RIC1: variants seen among roughly 807,000 people sequenced by gnomAD.
RIC1 encodes the protein guanine nucleotide exchange factor subunit RIC1.
In RIC1, 88 loss-of-function variants were observed where a neutral mutation model predicts 169.0. The observed-to-expected ratio is 0.52, with a 90% confidence interval of 0.44 to 0.62. The LOEUF is 0.62. Ranked by LOEUF, RIC1 falls within the 20% of genes least tolerant of loss-of-function variation. The probability of loss-of-function intolerance (pLI) is 0.00; values close to 1 mark genes in which losing one functional copy is unlikely to be tolerated. For synonymous variants in RIC1, 790 were observed against 601.5 expected (o/e 1.31, Z -4.59); for missense variants, 1,877 against 1,725.5 (o/e 1.09, Z -1.56).
At chr9:5,657,896 A>G (rs1819196194) in intron 2 of RIC1, among the ~76,000 whole-genome samples, 1 of 152,154 alleles carries the variant, frequency 6.6e-6, no homozygotes. Flanking sequence ...CTTAAATTTC[A>G]GTGTCCATAA....
rs985448832 is a variant in RIC1 at position 5,720,206 on chromosome 9, C to T, written c.465C>T (p.Leu155=). Residue 155 remains leucine, a synonymous_variant, in exon 5 of 26, where the codon CTC becomes CTT. Coordinates refer to ENST00000414202, the MANE Select transcript of RIC1 (RefSeq NM_020829.4). ...IMSLQSVLED[L]LVATSDGLLH... ...GTTTGCAGTCTGTGTTGGAAGATCT[C>T]CTGGTTGCTACTTCTGATGGACTTC... 6.2e-7 allele frequency: 1 copy of T among 1,612,630 alleles called. No individual in the cohort carries two copies. The highest frequency in any genetic ancestry group is 8.5e-7 in the Non-Finnish European group (1 of 1,178,732).
At chr9:5,646,399 G>T (rs545986024) in intron 1 of RIC1, among the ~76,000 whole-genome samples, 1 of 152,270 alleles carries the variant, frequency 6.6e-6, no homozygotes, top group South Asian at 2.1e-4. Context: ...ATTATATGAT[G>T]GTGGCCCTAT....
rs766442170 is a variant in RIC1, at chr9:5,753,666, A to G, written c.1602+20A>G. On this transcript the variant is annotated intron_variant, in intron 14 of 25. Transcript: ENST00000414202. The stretch of plus-strand genomic sequence containing the variant: ...ACCCAGGTTAGTCTTTTTTGAGATT[A>G]AAAACCTATTTCTCAAAGTATAAGA... The G allele has an allele frequency of 1.0e-5, 13 of 1,262,526 alleles. No individual in the cohort carries two copies. Among genetic ancestry groups the G allele is most frequent in the South Asian group, 1.0e-4 (8 of 78,426 alleles). The allele number at this position is 1,262,526 out of a possible 1,614,324, so 78.2% of individuals were successfully genotyped here.
In RIC1 at chr9:5,774,053, C is replaced by T. The variant is rs1563730711; in HGVS notation, c.4079C>T (p.Pro1360Leu). ...EEQVQPDAFQ[P>L]ITMGKTPEQT... ...CAGGTCCAGCCAGATGCCTTCCAAC[C>T]AATAACTATGGGTAAGACTCCAGAA... Residue 1360 changes from proline (P) to leucine (L), a missense_variant, in exon 26 of 26, where the codon CCA becomes CTA. Physicochemically the swap from Pro to Leu is moderately conservative, Grantham distance 98 (BLOSUM62 -3). Around this residue, in one of 3 missense-constraint regions of RIC1, gnomAD observed 681 missense variants for 582.0 expected, o/e 1.17. Transcript: ENST00000414202. The T allele has an allele frequency of 6.2e-7, 1 of 1,614,050 alleles. No individual in the cohort carries two copies. The highest frequency in any genetic ancestry group is 8.5e-7 in the Non-Finnish European group (1 of 1,179,982).
rs1375855553 is a variant in RIC1 at position 5,775,595 on chromosome 9, G to A, written c.*1349G>A. 2 of 152,232 alleles carry A rather than the reference G, an allele frequency of 1.3e-5. No homozygotes were observed. Among genetic ancestry groups the A allele is most frequent in the East Asian group, 3.9e-4 (2 of 5,184 alleles). 9.4% of individuals were successfully genotyped at this position (152,232 alleles called of 1,614,324 possible). On this transcript the variant is annotated 3_prime_UTR_variant, in exon 26 of 26. Coordinates refer to ENST00000414202, the MANE Select transcript of RIC1 (RefSeq NM_020829.4). ...AAATAGCCTCTTTTCTCATAGTGCA[G>A]TTGTAGTTTAGAAACAAAACTTGGT...
In RIC1 at chr9:5,763,642, A is replaced by C. The variant is rs368657687; in HGVS notation, c.2615A>C (p.Glu872Ala). The C allele has an allele frequency of 4.5e-5, 73 of 1,614,184 alleles. No homozygotes were observed. The highest frequency in any genetic ancestry group is 3.3e-4 in the Middle Eastern group (2 of 6,060). The change falls in exon 19 of 26, where the codon GAA becomes GCA. Residue 872 changes from glutamate (E) to alanine (A), a missense_variant. This residue lies in a region of RIC1 where 92 missense variants were observed against 151.5 expected (regional missense o/e 0.61). Transcript: ENST00000414202. The surrounding 1 kb of genome is among the most constrained non-coding windows in gnomAD (Gnocchi z 5.2). ...ELMLHEVLEE[E>A]ATSREPIPDP... ...ATGCTCCATGAAGTACTGGAAGAAG[A>C]AGCTACCTCACGGGAGCCCATTCCC...
Position 5,765,443 on chromosome 9 carries a change from A to G in RIC1, c.2871A>G (p.Gln957=). ...TGGAAGTCCCTGCAGTAAGTAGGCA[A>G]CATGCTACCCTTCTATTCAACACAG... ...QNMEVPAVSR[Q]HATLLFNTAL... The change falls in exon 20 of 26, where the codon CAA becomes CAG. Residue 957 remains glutamine, a synonymous_variant. Coordinates refer to ENST00000414202, the MANE Select transcript of RIC1 (RefSeq NM_020829.4). 1 of 1,614,060 alleles carries G rather than the reference A, an allele frequency of 6.2e-7. No homozygotes were observed. The highest frequency in any genetic ancestry group is 8.5e-7 in the Non-Finnish European group (1 of 1,179,958).
intron 11 of RIC1, 128 bp from the exon 12 acceptor site, chr9:5,747,174 C>G: frequency 1.5e-6 from 1 of 677,610 alleles, no homozygotes; most frequent in South Asian, 1.9e-5. Context: ...TGAAGAAAAT[C>G]AACATCGAGA....
At chr9:5,743,647 A>C (rs757412378) in intron 9 of RIC1, 42 bp from the exon 10 acceptor site, 42 of 1,466,590 alleles carry the variant, frequency 2.9e-5, no homozygotes, top group Non-Finnish European at 3.9e-5. Flanking sequence ...TATTATATGT[A>C]ATTGGAAGGC....
chr9:5,647,252 G>C (rs937363831), intron 1 of RIC1, among the ~76,000 whole-genome samples: 2 of 152,124 alleles, frequency 1.3e-5, no homozygotes, highest in Admixed American at 6.6e-5. Context: ...AATGTGAGAC[G>C]TCCAACTTTG....
intron 2 of RIC1, among the ~76,000 whole-genome samples, chr9:5,685,673 C>G (rs1649134540): frequency 6.6e-6 from 1 of 151,354 alleles, no homozygotes; most frequent in South Asian, 2.1e-4. Flanking sequence ...CATAAAAACC[C>G]TAGAAGAAAA....
intron 4 of RIC1, among the ~76,000 whole-genome samples, chr9:5,716,199 T>C (rs1407376660): frequency 2.0e-5 from 3 of 151,890 alleles, no homozygotes; most frequent in African/African-American, 4.8e-5. Flanking sequence ...GGATACCACA[T>C]AGCTCTCATA....
chr9:5,745,902 C>CTTTTTTTTTTTT, intron 10 of RIC1, 29 bp from the exon 11 acceptor site: 1 of 1,588,140 alleles, frequency 6.3e-7, no homozygotes, highest in Admixed American at 1.7e-5. Context: ...ATTGCTCTGA[C>CTTTTTTTTTTTT]TTTTTTTCTC....
intron 21 of RIC1, among the ~76,000 whole-genome samples, chr9:5,767,878 T>A (rs1281111822): frequency 1.3e-5 from 2 of 152,226 alleles, no homozygotes; most frequent in Admixed American, 6.5e-5. Context: ...TGAGCCACCA[T>A]GCCCAGCCTG....
chr9:5,771,097 A>G (rs1827186787), intron 23 of RIC1, among the ~76,000 whole-genome samples: 1 of 152,152 alleles, frequency 6.6e-6, no homozygotes, highest in Non-Finnish European at 1.5e-5. Context: ...TAACAGCTTA[A>G]CCGTTTTTAA....
chr9:5,708,590 C>T (rs992332426), intron 3 of RIC1, among the ~76,000 whole-genome samples: 4 of 152,054 alleles, frequency 2.6e-5, no homozygotes, highest in Non-Finnish European at 5.9e-5. Context: ...CTCTGGCCTC[C>T]ATGGTTTCCT....
chr9:5,743,853 C>G (rs1825221877), intron 10 of RIC1, 116 bp downstream of exon 10: 1 of 748,018 alleles, frequency 1.3e-6, no homozygotes, highest in East Asian at 2.6e-5. Flanking sequence ...CACTGTCACC[C>G]AGGTTGGAGA....
intron 1 of RIC1, among the ~76,000 whole-genome samples, chr9:5,654,905 A>G (rs1285284712): frequency 1.3e-5 from 2 of 152,114 alleles, no homozygotes; most frequent in Non-Finnish European, 2.9e-5. Flanking sequence ...GGTATATAGA[A>G]AATTTATTGA....
At chr9:5,672,196 A>T (rs1266262307) in intron 2 of RIC1, among the ~76,000 whole-genome samples, 3 of 152,208 alleles carry the variant, frequency 2.0e-5, no homozygotes, top group African/African-American at 7.2e-5. Context: ...ATTGCCAGAT[A>T]CCCACATCAA....
Sources: allele counts gnomAD v4.1 joint callset (sites outside exome capture counted in the v4.1 genomes callset), GRCh38; gene constraint gnomAD v4.1.1; regional missense constraint gnomAD v4.1.1; non-coding constraint Gnocchi (gnomAD v3.1); transcripts MANE v1.5; gene names NCBI Gene and HGNC (gene_info 2026-07-23, HGNC 2026-07-21).